Variants in KCNAB1 observed in about 807,000 individuals in gnomAD.
KCNAB1 encodes potassium voltage-gated channel subfamily A regulatory beta subunit 1.
Under a neutral mutation model 64.6 loss-of-function variants are expected in KCNAB1, and 35 were observed. The ratio of observed to expected loss-of-function variants is 0.54; its 90% CI spans 0.41 to 0.72. The LOEUF is 0.72. Among genes scored for constraint, KCNAB1 ranks in the 30% least tolerant of loss-of-function variants. The probability of loss-of-function intolerance (pLI) is 0.00; values close to 1 mark genes in which losing one functional copy is unlikely to be tolerated. For synonymous variants in KCNAB1, 177 were observed against 183.8 expected (o/e 0.96, Z 0.30); for missense variants, 401 against 512.9 (o/e 0.78, Z 2.11).
intron 8 of KCNAB1, among the ~76,000 whole-genome samples, chr3:156,486,923 G>A (rs1715260869): frequency 6.6e-6 from 1 of 152,062 alleles, no homozygotes; most frequent in Admixed American, 6.5e-5. Flanking sequence ...AAAGATGTGG[G>A]ACCAGTCTGA....
At chr3:156,524,141 C>G in intron 12 of KCNAB1, 194 bp downstream of exon 12, 1 of 535,588 alleles carries the variant, frequency 1.9e-6, no homozygotes, top group Non-Finnish European at 3.2e-6. Context: ...GCAAATTTTT[C>G]TTACTTCTTT....
intron 1 of KCNAB1, among the ~76,000 whole-genome samples, chr3:156,229,225 G>A (rs192460550): frequency 1.3e-5 from 2 of 152,318 alleles, no homozygotes; most frequent in East Asian, 3.9e-4. Context: ...TCGTGGTTCT[G>A]CAGGCTGTAC....
chr3:156,459,526 T>C (rs983155813), intron 4 of KCNAB1, among the ~76,000 whole-genome samples: 1 of 152,094 alleles, frequency 6.6e-6, no homozygotes, highest in African/African-American at 2.4e-5. Flanking sequence ...GACATTTATA[T>C]ATGGGATCAT....
chr3:156,397,991 A>G (rs1034869143), intron 1 of KCNAB1, among the ~76,000 whole-genome samples: 10 of 152,240 alleles, frequency 6.6e-5, no homozygotes, highest in African/African-American at 2.4e-4. Flanking sequence ...CAGGAAAACC[A>G]GGCACCTCCA....
intron 1 of KCNAB1, among the ~76,000 whole-genome samples, chr3:156,373,355 G>C (rs111987829): frequency 3.1e-4 from 47 of 152,288 alleles, no homozygotes; most frequent in African/African-American, 1.1e-3. Context: ...CACTCTTATT[G>C]CAGCCAGTCC....
chr3:156,277,660 A>C (rs1410403120), intron 1 of KCNAB1, among the ~76,000 whole-genome samples: 1 of 152,162 alleles, frequency 6.6e-6, no homozygotes, highest in African/African-American at 2.4e-5. Context: ...AGGCACTCAG[A>C]TTGCTTCCAC....
chr3:156,287,846 G>A (rs1431140219), intron 1 of KCNAB1, among the ~76,000 whole-genome samples: 1 of 151,672 alleles, frequency 6.6e-6, no homozygotes, highest in Non-Finnish European at 1.5e-5. Flanking sequence ...AGGTTGCATA[G>A]GGTGGAATAA....
intron 1 of KCNAB1, among the ~76,000 whole-genome samples, chr3:156,155,195 A>C (rs1715646593): frequency 1.3e-5 from 2 of 152,132 alleles, no homozygotes; most frequent in South Asian, 4.2e-4. Context: ...TTACTGAACC[A>C]TCTACCTATC....
intron 2 of KCNAB1, among the ~76,000 whole-genome samples, chr3:156,433,172 A>G (rs75671551): frequency 0.029 from 4,369 of 152,292 alleles, 185 homozygotes; most frequent in African/African-American, 0.1. Flanking sequence ...CACAGAGCCT[A>G]TCTAGGGAGT....
intron 1 of KCNAB1, among the ~76,000 whole-genome samples, chr3:156,242,779 AT>A (rs1360382550): frequency 1.2e-3 from 124 of 99,554 alleles, no homozygotes; most frequent in Middle Eastern, 0.014. Context: ...AACAGTCTCT[AT>A]TTTTTCAAGT....
intron 1 of KCNAB1, among the ~76,000 whole-genome samples, chr3:156,375,984 TA>T (rs1711624771): frequency 6.6e-6 from 1 of 152,184 alleles, no homozygotes; most frequent in South Asian, 2.1e-4. Context: ...CATGCCCGCC[TA>T]ATTTTTGTAT....
Position 156,357,642 on chromosome 3 carries a change from A to T in KCNAB1, c.276-63974A>T, listed in dbSNP as rs565655469. On this transcript the variant is annotated intron_variant, in intron 1 of 13. Coordinates refer to ENST00000490337, the MANE Select transcript of KCNAB1 (RefSeq NM_172160.3). ...TTTAAGTTTTCTAGTAGCTGTATTTAAAAAGTCAAAAGAAACAGGTGAAAT... is the reference window on the plus strand; with the variant it reads ...TTTAAGTTTTCTAGTAGCTGTATTTTAAAAGTCAAAAGAAACAGGTGAAAT... Among the ~76,000 whole-genome samples the T allele has an allele frequency of 5.9e-5, 9 of 152,278 alleles. No individual in the cohort carries two copies. The South Asian group carries it at 6.2e-4, about 11-fold the overall frequency.
In KCNAB1 at chr3:156,455,226, G is replaced by A. The variant is rs115828912; in HGVS notation, c.358-2227G>A. Among the ~76,000 whole-genome samples, 1,306 of 152,300 alleles carry A rather than the reference G, an allele frequency of 8.6e-3. 23 individuals carry two copies. Among genetic ancestry groups the A allele is most frequent in the African/African-American group, 0.029 (1,223 of 41,562 alleles). Reference sequence around the variant, plus strand: ...TCGATTTTCCTGCTTTCTCTCTGGCGTCAAATAATCTCAACACAAAGTACA... The same window carrying A: ...TCGATTTTCCTGCTTTCTCTCTGGCATCAAATAATCTCAACACAAAGTACA... On this transcript the variant is annotated intron_variant, in intron 3 of 13. Transcript: ENST00000490337.
chr3:156,361,405 C>T lies in KCNAB1; in HGVS notation c.276-60211C>T, dbSNP rs562255312. On this transcript the variant is annotated intron_variant, in intron 1 of 13. Coordinates refer to ENST00000490337, the MANE Select transcript of KCNAB1 (RefSeq NM_172160.3). ...TACTCCACATACCCCTTCCCTGCTT[C>T]ATTTTTTCTCATGAAGCTCATCACC... Among the ~76,000 whole-genome samples the T allele has an allele frequency of 5.3e-5, 8 of 152,242 alleles. No individual in the cohort carries two copies. The South Asian group carries it at 1.7e-3, about 32-fold the overall frequency.
intron 1 of KCNAB1, chr3:156,291,679 C>G: frequency 7.1e-7 from 1 of 1,405,402 alleles, no homozygotes; most frequent in South Asian, 1.5e-5. Flanking sequence ...TCGGGGCCGT[C>G]TGTTTACTTC....
intron 8 of KCNAB1, among the ~76,000 whole-genome samples, chr3:156,504,751 G>GTTTTTTTTTTTTTTTTTTTTTTTTTTTTT (rs71302274): frequency 1.5e-5 from 2 of 132,750 alleles, no homozygotes; most frequent in Non-Finnish European, 3.2e-5. Flanking sequence ...TGTTTTTTTT[G>GTTTTTTTTTTTTTTTTTTTTTTTTTTTTT]TTTTTTTTTT....
chr3:156,417,719 G>GAAAAAAAAAAAAAAAAAAAA (rs200175870), intron 1 of KCNAB1, among the ~76,000 whole-genome samples: 160 of 130,214 alleles, frequency 1.2e-3, no homozygotes, highest in African/African-American at 4.4e-3. Context: ...TGCCTTAAAA[G>GAAAAAAAAAAAAAAAAAAAA]AAAAAAAAAA....
chr3:156,373,046 T>G (rs1232073606), intron 1 of KCNAB1, among the ~76,000 whole-genome samples: 6 of 152,220 alleles, frequency 3.9e-5, no homozygotes, highest in Non-Finnish European at 7.3e-5. Flanking sequence ...TATGTGTAAA[T>G]TATAAACGGC....
chr3:156,322,617 A>G (rs1370477400), intron 1 of KCNAB1, among the ~76,000 whole-genome samples: 1 of 152,180 alleles, frequency 6.6e-6, no homozygotes, highest in Admixed American at 6.5e-5. Flanking sequence ...CCAGCCTTGC[A>G]CAGAGACCGA....
Sources: allele counts gnomAD v4.1 joint callset (sites outside exome capture counted in the v4.1 genomes callset), GRCh38; gene constraint gnomAD v4.1.1; transcripts MANE v1.5; gene names NCBI Gene and HGNC (gene_info 2026-07-23, HGNC 2026-07-21).